The following ADGRD1 variants were observed in gnomAD, a reference collection of about 807,000 sequenced individuals.
ADGRD1 encodes the protein adhesion G protein-coupled receptor D1.
In ADGRD1, 77 loss-of-function variants were observed where a neutral mutation model predicts 113.4. The observed-to-expected ratio is 0.68, with a 90% CI of 0.57 to 0.82. The LOEUF (loss-of-function observed/expected upper bound fraction) is 0.82, where lower values mean the gene tolerates loss of function less well. Ranked by LOEUF, ADGRD1 falls within the 40% of genes least tolerant of loss-of-function variation. The probability of loss-of-function intolerance (pLI) is 0.00; values close to 1 mark genes in which losing one functional copy is unlikely to be tolerated. For synonymous variants in ADGRD1, 474 were observed against 475.0 expected (o/e 1.00, Z 0.03); for missense variants, 1,036 against 1,139.1 (o/e 0.91, Z 1.30).
At chr12:131,037,310 TACTC>T (rs1327715691) in intron 13 of ADGRD1, among the ~76,000 whole-genome samples, 46 of 82,762 alleles carry the variant, frequency 5.6e-4, no homozygotes, top group Admixed American at 7.5e-4. Flanking sequence ...ACCAGGATCT[TACTC>T]ACTGCATGGG....
At chr12:131,081,370 A>G (rs1457914093) in intron 14 of ADGRD1, among the ~76,000 whole-genome samples, 1 of 152,010 alleles carries the variant, frequency 6.6e-6, no homozygotes, top group Non-Finnish European at 1.5e-5. Flanking sequence ...TCTTTTTCTG[A>G]CTTCATTTGG....
intron 15 of ADGRD1, among the ~76,000 whole-genome samples, chr12:131,101,373 CTTTCTTTTTTTTTTTTTT>C (rs1275576257): frequency 1.3e-5 from 1 of 79,354 alleles, no homozygotes; most frequent in African/African-American, 5.4e-5. Flanking sequence ...CTTTTTCTTT[CTTTCTTTTTTTTTTTTTT>C]TTTTTTTTTT....
chr12:131,081,355 T>G (rs1176683824), intron 14 of ADGRD1, among the ~76,000 whole-genome samples: 1 of 152,244 alleles, frequency 6.6e-6, no homozygotes, highest in Non-Finnish European at 1.5e-5. Context: ...CTTTTTAAAA[T>G]GTTGTCTTTT....
intron 20 of ADGRD1, among the ~76,000 whole-genome samples, chr12:131,130,445 TC>T: frequency 6.6e-6 from 1 of 152,226 alleles, no homozygotes; most frequent in East Asian, 1.9e-4. Context: ...CACCACTCTC[TC>T]CCAAAGAACA....
chr12:130,995,109 G>A (rs944816673), intron 8 of ADGRD1, among the ~76,000 whole-genome samples: 1 of 152,242 alleles, frequency 6.6e-6, no homozygotes, highest in Non-Finnish European at 1.5e-5. Context: ...AACTGAGTGT[G>A]ATAGGGTGTG....
At chr12:131,046,679 GCC>G (rs1388580552) in intron 13 of ADGRD1, among the ~76,000 whole-genome samples, 4 of 137,216 alleles carry the variant, frequency 2.9e-5, no homozygotes, top group East Asian at 2.3e-4. Flanking sequence ...CCTGGTCAGT[GCC>G]CCCTCCCTGG....
chr12:130,997,609 G>A (rs10848263), intron 8 of ADGRD1, among the ~76,000 whole-genome samples: 67,729 of 151,192 alleles, frequency 0.45, 17,776 homozygotes, highest in East Asian at 0.79. Context: ...GACGATGGGC[G>A]GCCGGGCAGA....
At chr12:131,033,887 C>T (rs1025818572) in intron 13 of ADGRD1, among the ~76,000 whole-genome samples, 2 of 152,138 alleles carry the variant, frequency 1.3e-5, no homozygotes, top group Non-Finnish European at 1.5e-5. Flanking sequence ...AGCGTCTGTG[C>T]ATTTTCACGG....
chr12:130,986,269 T>C (rs570740682), intron 5 of ADGRD1, among the ~76,000 whole-genome samples: 1 of 152,350 alleles, frequency 6.6e-6, no homozygotes, highest in African/African-American at 2.4e-5. Context: ...CATTGAGTCT[T>C]TCTGTCCATG....
At chr12:130,997,187 G>A (rs1875614526) in intron 8 of ADGRD1, among the ~76,000 whole-genome samples, 1 of 45,336 alleles carries the variant, frequency 2.2e-5, no homozygotes, top group Admixed American at 2.2e-4. Flanking sequence ...GCGGGGGGCT[G>A]ACCCCCCCCC....
At chr12:131,114,121 G>A (rs988581339) in intron 18 of ADGRD1, among the ~76,000 whole-genome samples, 1 of 152,180 alleles carries the variant, frequency 6.6e-6, no homozygotes, top group African/African-American at 2.4e-5. Context: ...CTGTGTCGCC[G>A]ATAGGATGGG....
intron 15 of ADGRD1, among the ~76,000 whole-genome samples, chr12:131,086,886 A>G (rs1886500959): frequency 6.6e-6 from 1 of 152,222 alleles, no homozygotes; most frequent in African/African-American, 2.4e-5. Flanking sequence ...TGTCCAAGCC[A>G]TATTTTATTT....
chr12:131,005,937 C>T (rs771156427), intron 11 of ADGRD1, 35 bp from the exon 12 acceptor site: 8 of 1,563,930 alleles, frequency 5.1e-6, no homozygotes, highest in East Asian at 2.2e-5. Flanking sequence ...TGGCCTGGAG[C>T]GCTGACAGCG....
At chr12:131,012,006 G>C (rs921354461) in intron 12 of ADGRD1, among the ~76,000 whole-genome samples, 2 of 152,196 alleles carry the variant, frequency 1.3e-5, no homozygotes, top group Non-Finnish European at 2.9e-5. Flanking sequence ...CTCACTTTCT[G>C]CGGTGGGGAC....
chr12:131,050,692 G>A lies in ADGRD1; in HGVS notation c.1474-26109G>A, dbSNP rs531498321. On this transcript the variant is annotated intron_variant, in intron 13 of 24. Coordinates refer to ENST00000261654, the MANE Select transcript of ADGRD1 (RefSeq NM_198827.5). This position sits in a 1 kb window ranked among gnomAD's most constrained non-coding sequence, Gnocchi z 4.8. ...CCAAGAGGGATGGTGTTAAGCCAGC[G>A]GTCCCCAGACATTTTGGCACCAGGG... Among the ~76,000 whole-genome samples, 8 of 152,206 alleles carry A rather than the reference G, an allele frequency of 5.3e-5. No individual in the cohort carries two copies. In the East Asian group the frequency reaches 7.7e-4, roughly 15 times the overall value.
chr12:130,968,750 C>A, intron 3 of ADGRD1: 1 of 539,096 alleles, frequency 1.9e-6, no homozygotes, highest in South Asian at 2.4e-5. Flanking sequence ...GCAGCCATCA[C>A]GCCCTGGTGT....
rs1204016236 is a variant in ADGRD1 at position 131,118,393 on chromosome 12, C to T, written c.2050C>T (p.Leu684Phe). ...TCTCCAATCTTCTGCAGGTTTTCCT[C>T]TTCTGATCTGCATCATTTCACTGTC... Reference protein sequence around the residue: ...YYYGMGWGFPLLICIISLSFA... With the variant: ...YYYGMGWGFPFLICIISLSFA... The change falls in exon 19 of 25, where the codon CTT (leucine) becomes TTT (phenylalanine). Residue 684 changes from leucine to phenylalanine, a missense_variant. Leu to Phe is a conservative substitution (Grantham distance 22). Transcript: ENST00000261654. 1 of 1,610,268 alleles carries T rather than the reference C, an allele frequency of 6.2e-7. No homozygotes were observed. The highest frequency in any genetic ancestry group is 8.5e-7 in the Non-Finnish European group (1 of 1,178,572).
chr12:131,124,019 A>G, intron 20 of ADGRD1, among the ~76,000 whole-genome samples: 1 of 152,204 alleles, frequency 6.6e-6, no homozygotes, highest in Admixed American at 6.5e-5. Flanking sequence ...GTGGCCCGCA[A>G]AGCCAAAAAT....
At chr12:130,955,268 G>A (rs11609133) in intron 2 of ADGRD1, among the ~76,000 whole-genome samples, 25,664 of 151,786 alleles carry the variant, frequency 0.17, 2,426 homozygotes, top group Non-Finnish European at 0.21. Flanking sequence ...CCCATCTCAT[G>A]TCTTCAGGGC....
Sources: gnomAD v4.1 joint callset for allele counts (sites outside exome capture counted in the v4.1 genomes callset) on GRCh38, gnomAD v4.1.1 for gene constraint, Gnocchi (gnomAD v3.1) non-coding constraint, MANE v1.5 for transcripts, NCBI Gene and HGNC (gene_info 2026-07-23, HGNC 2026-07-21) for gene names.